Variants in CCBE1 observed in about 807,000 individuals in gnomAD.
CCBE1 encodes the protein collagen and calcium-binding EGF domain-containing protein 1.
CCBE1 carries 37 observed loss-of-function variants against 50.0 expected under a neutral mutation model. The ratio of observed to expected loss-of-function variants is 0.74; its 90% CI spans 0.57 to 0.97. CCBE1 has a LOEUF of 0.97. Ranked by LOEUF, CCBE1 falls within the 50% of genes least tolerant of loss-of-function variation. The pLI is 0.00. For missense variants in CCBE1, 538 were observed against 523.8 expected (o/e 1.03, Z -0.26); for synonymous variants, 234 against 203.7 (o/e 1.15, Z -1.27).
At position 59,466,897 on chromosome 18, in the gene CCBE1, T is replaced by A. The variant is rs770147772; in HGVS notation, c.401-6A>T. On this transcript the variant is annotated splice_polypyrimidine_tract_variant and splice_region_variant and intron_variant, in intron 4 of 10. Transcript: ENST00000439986. ...GCTGGCACACTCATCAATATCTGGT[T>A]TGAACCAAATGTAGAGAATACTAAG... is the stretch of plus-strand genomic sequence containing the variant. 9 of 1,611,088 alleles carry A rather than the reference T, an allele frequency of 5.6e-6. No individual in the cohort carries two copies. In the Admixed American group the frequency reaches 1.3e-4, roughly 24 times the overall value.
chr18:59,470,452 G>T (rs1022843500), intron 3 of CCBE1, among the ~76,000 whole-genome samples: 2 of 152,124 alleles, frequency 1.3e-5, no homozygotes, highest in African/African-American at 4.8e-5. Context: ...ATAGAAATGT[G>T]CATGACTTAT....
chr18:59,697,398 G>T lies in CCBE1; in HGVS notation c.-56C>A. The T allele has an allele frequency of 1.3e-6, 2 of 1,518,624 alleles. No individual in the cohort carries two copies. Among genetic ancestry groups the T allele is most frequent in the South Asian group, 1.2e-5 (1 of 82,022 alleles). 94.1% of individuals were successfully genotyped at this position (1,518,624 alleles called of 1,614,324 possible). ...GAGCTCCGTCCGGACCAAGCGTCCT[G>T]CTCCTCCGCGGCCGCCGCCGCCTTC... On this transcript the variant is annotated 5_prime_UTR_variant, in exon 1 of 11. Transcript: ENST00000439986.
rs568566848 is a variant in CCBE1, at chr18:59,510,717, C to T, written c.213-30479G>A. On this transcript the variant is annotated intron_variant, in intron 2 of 10. Coordinates refer to ENST00000439986, the MANE Select transcript of CCBE1 (RefSeq NM_133459.4). ...GATTACAGGCAGGAGCCACCACACCCGGCCAGTTGCCAATTCAACTTTCAT... is the reference window on the plus strand; with the variant it reads ...GATTACAGGCAGGAGCCACCACACCTGGCCAGTTGCCAATTCAACTTTCAT... 1.1e-4 allele frequency among the ~76,000 whole-genome samples: 16 copies of T among 152,334 alleles called. No individual in the cohort carries two copies. The East Asian group carries it at 2.7e-3, about 26-fold the overall frequency.
chr18:59,584,969 C>T (rs1456048294), intron 2 of CCBE1, among the ~76,000 whole-genome samples: 1 of 152,126 alleles, frequency 6.6e-6, no homozygotes, highest in Non-Finnish European at 1.5e-5. Context: ...GGCAAGTTAA[C>T]AGTTTCCTAT....
chr18:59,694,142 T>C (rs1373599238), intron 2 of CCBE1, among the ~76,000 whole-genome samples: 1 of 152,082 alleles, frequency 6.6e-6, no homozygotes, highest in Non-Finnish European at 1.5e-5. Flanking sequence ...AGTGCTGGGA[T>C]TACAGGCATG....
intron 2 of CCBE1, among the ~76,000 whole-genome samples, chr18:59,500,522 G>C (rs1440582518): frequency 6.6e-6 from 1 of 152,094 alleles, no homozygotes; most frequent in African/African-American, 2.4e-5. Flanking sequence ...CTGAAGCCAG[G>C]GGTAACAGCT....
chr18:59,519,269 A>G (rs1469529122), intron 2 of CCBE1, among the ~76,000 whole-genome samples: 1 of 152,176 alleles, frequency 6.6e-6, no homozygotes, highest in Non-Finnish European at 1.5e-5. Context: ...GAGTTTCACC[A>G]CAGATCAAAA....
chr18:59,646,889 C>T (rs2054061478), intron 2 of CCBE1, among the ~76,000 whole-genome samples: 1 of 152,164 alleles, frequency 6.6e-6, no homozygotes, highest in Non-Finnish European at 1.5e-5. Flanking sequence ...GTCGCTGCAG[C>T]ATTTCCTCCC....
intron 2 of CCBE1, among the ~76,000 whole-genome samples, chr18:59,528,446 C>T (rs982603709): frequency 1.3e-5 from 2 of 151,522 alleles, no homozygotes; most frequent in Non-Finnish European, 3.0e-5. Context: ...TTATTACCCA[C>T]CTTCTGAAGC....
chr18:59,618,286 GA>G lies in CCBE1; in HGVS notation c.212+78342del, dbSNP rs200458549. The stretch of plus-strand genomic sequence containing the variant: ...AAACATCAGGAGACCCACTGCTATT[GA>G]AAAAAATATTTAATAAATTAAGATG... On this transcript the variant is annotated intron_variant, in intron 2 of 10. Coordinates refer to ENST00000439986, the MANE Select transcript of CCBE1 (RefSeq NM_133459.4). Among the ~76,000 whole-genome samples the G allele has an allele frequency of 2.4e-3, 362 of 151,458 alleles. 10 individuals are homozygous for G. The East Asian group carries it at 0.037, about 16-fold the overall frequency.
chr18:59,670,356 C>G (rs1226567097), intron 2 of CCBE1, among the ~76,000 whole-genome samples: 1 of 152,052 alleles, frequency 6.6e-6, no homozygotes, highest in Admixed American at 6.6e-5. Flanking sequence ...CATTCCTCTT[C>G]AAGGTGGGAG....
intron 2 of CCBE1, among the ~76,000 whole-genome samples, chr18:59,508,235 C>G (rs17836187): frequency 0.033 from 5,045 of 151,926 alleles, 486 homozygotes; most frequent in East Asian, 0.25. Context: ...AGTACAGTGA[C>G]TAAGAGCTTT....
chr18:59,561,525 C>T (rs2052738646), intron 2 of CCBE1, among the ~76,000 whole-genome samples: 1 of 152,162 alleles, frequency 6.6e-6, no homozygotes, highest in Non-Finnish European at 1.5e-5. Flanking sequence ...AGCCATGTAG[C>T]CATAACATGG....
At position 59,617,507 on chromosome 18, in the gene CCBE1, G is replaced by C. The variant is rs537461305; in HGVS notation, c.212+79122C>G. ...TTAATCAAAATGGAGAGAAATTGCA[G>C]TTTTCCACCAGGGAGGTAACTGACT... On this transcript the variant is annotated intron_variant, in intron 2 of 10. Coordinates refer to ENST00000439986, the MANE Select transcript of CCBE1 (RefSeq NM_133459.4). Among the ~76,000 whole-genome samples, 26 of 152,364 alleles carry C rather than the reference G, an allele frequency of 1.7e-4. 1 individual carries two copies. In the East Asian group the frequency reaches 5.0e-3, roughly 29 times the overall value.
intron 2 of CCBE1, among the ~76,000 whole-genome samples, chr18:59,655,273 A>C (rs2054174267): frequency 6.6e-6 from 1 of 152,156 alleles, no homozygotes. Context: ...TAACATTAAC[A>C]TGCTCCATTC....
chr18:59,579,718 G>A (rs1007446140), intron 2 of CCBE1, among the ~76,000 whole-genome samples: 3 of 152,174 alleles, frequency 2.0e-5, no homozygotes, highest in Non-Finnish European at 2.9e-5. Flanking sequence ...CTCTTACTGC[G>A]TTAGTGTCTC....
At chr18:59,583,524 A>G (rs28682388) in intron 2 of CCBE1, among the ~76,000 whole-genome samples, 4,531 of 152,240 alleles carry the variant, frequency 0.03, 202 homozygotes, top group African/African-American at 0.097. Flanking sequence ...TTAGCTTTTC[A>G]TTATCAAATG....
At chr18:59,635,037 G>A (rs2053897404) in intron 2 of CCBE1, among the ~76,000 whole-genome samples, 1 of 152,196 alleles carries the variant, frequency 6.6e-6, no homozygotes, top group Non-Finnish European at 1.5e-5. Context: ...GATTCTGAGA[G>A]CACAAGAAAT....
At chr18:59,480,286 A>G (rs775590724) in intron 2 of CCBE1, 48 bp from the exon 3 acceptor site, 1 of 1,369,876 alleles carries the variant, frequency 7.3e-7, no homozygotes, top group South Asian at 1.2e-5. Context: ...GCTAAAAATA[A>G]AATTCTTTCC....
Sources: gnomAD v4.1 joint callset for allele counts (sites outside exome capture counted in the v4.1 genomes callset) on GRCh38, gnomAD v4.1.1 for gene constraint, MANE v1.5 for transcripts, NCBI Gene and HGNC (gene_info 2026-07-23, HGNC 2026-07-21) for gene names.